Variants in NTN1 observed in about 807,000 individuals in gnomAD.
The protein encoded by NTN1 is netrin 1.
In NTN1, 11 loss-of-function variants were observed where a neutral mutation model predicts 54.2. The observed-to-expected ratio is 0.20, with a 90% confidence interval of 0.13 to 0.34. NTN1 has a LOEUF of 0.34. NTN1 is among the 10% of genes least tolerant of loss of function. NTN1 has a pLI of 1.00. For missense variants in NTN1, 740 were observed against 893.1 expected (o/e 0.83, Z 2.18); for synonymous variants, 371 against 382.0 (o/e 0.97, Z 0.33).
intron 2 of NTN1, among the ~76,000 whole-genome samples, chr17:9,045,105 G>A (rs1053391597): frequency 6.6e-6 from 1 of 152,174 alleles, no homozygotes; most frequent in African/African-American, 2.4e-5. Flanking sequence ...GTGCTGCCAG[G>A]GATGGAATTA....
At chr17:9,078,238 T>C (rs2092058529) in intron 2 of NTN1, among the ~76,000 whole-genome samples, 1 of 152,168 alleles carries the variant, frequency 6.6e-6, no homozygotes, top group African/African-American at 2.4e-5. Flanking sequence ...CAGGTAAGTA[T>C]CATAAGCTGT....
rs1376351916 is a variant in NTN1, at chr17:9,220,213, C to T, written c.1412-955C>T. Among the ~76,000 whole-genome samples the T allele has an allele frequency of 2.0e-5, 3 of 152,158 alleles. No individual in the cohort carries two copies. The East Asian group carries it at 5.8e-4, about 29-fold the overall frequency. On this transcript the variant is annotated intron_variant, in intron 5 of 6. Coordinates refer to ENST00000173229, the MANE Select transcript of NTN1 (RefSeq NM_004822.3). Reference sequence around the variant, plus strand: ...GGGCAGGTGGCTTACCCTCTTTGAGCCTCAGTCTTCTTGTCTGTGGAATGG... The same window carrying T: ...GGGCAGGTGGCTTACCCTCTTTGAGTCTCAGTCTTCTTGTCTGTGGAATGG...
chr17:9,203,046 C>G (rs1158259849), intron 5 of NTN1, among the ~76,000 whole-genome samples: 2 of 152,154 alleles, frequency 1.3e-5, no homozygotes, highest in African/African-American at 4.8e-5. Flanking sequence ...CTCAGCCTCC[C>G]GAGTAGCTGG....
At chr17:9,037,666 C>G (rs1248229128) in intron 2 of NTN1, among the ~76,000 whole-genome samples, 4 of 152,184 alleles carry the variant, frequency 2.6e-5, no homozygotes, top group African/African-American at 9.7e-5. Context: ...TTACCCAGAA[C>G]TCTAGGTAGA....
chr17:9,163,041 G>T (rs777988577), intron 3 of NTN1, 40 bp downstream of exon 3: 6 of 1,543,980 alleles, frequency 3.9e-6, no homozygotes, highest in Non-Finnish European at 4.4e-6. Flanking sequence ...GGGGAGACCC[G>T]GGGAACATCA....
intron 6 of NTN1, among the ~76,000 whole-genome samples, chr17:9,234,430 G>A (rs1905912786): frequency 6.6e-6 from 1 of 152,168 alleles, no homozygotes; most frequent in African/African-American, 2.4e-5. Flanking sequence ...CCTAGGACCT[G>A]GACAGCAGAG....
At chr17:9,155,021 C>A (rs117304223) in intron 2 of NTN1, among the ~76,000 whole-genome samples, 2 of 152,194 alleles carry the variant, frequency 1.3e-5, no homozygotes, top group African/African-American at 4.8e-5. Flanking sequence ...ACCATATGCA[C>A]GTTACAGTTG....
intron 5 of NTN1, among the ~76,000 whole-genome samples, chr17:9,204,079 C>T (rs1904889222): frequency 6.6e-6 from 1 of 152,082 alleles, no homozygotes; most frequent in Non-Finnish European, 1.5e-5. Context: ...TGATGGCAGT[C>T]CTGTCCAGTC....
intron 2 of NTN1, among the ~76,000 whole-genome samples, chr17:9,160,405 C>T (rs1176781539): frequency 1.3e-5 from 2 of 151,998 alleles, no homozygotes; most frequent in East Asian, 3.9e-4. Context: ...ATGCCCAGCC[C>T]GGACATCTTT....
chr17:9,121,095 A>G (rs1188922793), intron 2 of NTN1, among the ~76,000 whole-genome samples: 4 of 152,120 alleles, frequency 2.6e-5, no homozygotes, highest in Admixed American at 1.3e-4. Context: ...GTGCGAGGAA[A>G]AAGAAGGAAG....
intron 2 of NTN1, among the ~76,000 whole-genome samples, chr17:9,024,762 T>C (rs2091864616): frequency 6.6e-6 from 1 of 152,248 alleles, no homozygotes; most frequent in Admixed American, 6.5e-5. Flanking sequence ...TTTACGCTCG[T>C]GTCCCGCTCT....
intron 2 of NTN1, among the ~76,000 whole-genome samples, chr17:9,067,051 G>A (rs1328621006): frequency 3.3e-5 from 5 of 150,384 alleles, no homozygotes; most frequent in South Asian, 2.1e-4. Flanking sequence ...TTGGGAGGCC[G>A]AGGTGGGCGG....
chr17:9,201,383 A>G (rs1904781241), intron 5 of NTN1, among the ~76,000 whole-genome samples: 1 of 152,202 alleles, frequency 6.6e-6, no homozygotes, highest in Admixed American at 6.5e-5. Flanking sequence ...ACCATGAGGA[A>G]GAGCATGGAG....
chr17:9,208,696 A>G (rs1567739221), intron 5 of NTN1, among the ~76,000 whole-genome samples: 3 of 152,146 alleles, frequency 2.0e-5, no homozygotes, highest in African/African-American at 7.2e-5. Flanking sequence ...TTTTCCAGAT[A>G]TTATTTTGCA....
chr17:9,106,054 C>G (rs1429113455), intron 2 of NTN1, among the ~76,000 whole-genome samples: 1 of 152,180 alleles, frequency 6.6e-6, no homozygotes, highest in Non-Finnish European at 1.5e-5. Context: ...GTGATGCAAA[C>G]TCCTGGGCCC....
chr17:9,239,963 G>T lies in NTN1; in HGVS notation c.1810G>T (p.Ala604Ser). ...QREKKGKCKK[A>S] ...TGAGAAGAAGGGCAAGTGCAAGAAG[G>T]CCTAGCGCCGAGGCAGCGGGCGGGC... Residue 604 changes from alanine (A) to serine (S), a missense_variant, in exon 7 of 7, where the codon GCC (alanine) becomes TCC (serine). Physicochemically the swap from Ala to Ser is moderately conservative, Grantham distance 99 (BLOSUM62 1). Coordinates refer to ENST00000173229, the MANE Select transcript of NTN1 (RefSeq NM_004822.3). This position sits in a 1 kb window ranked among gnomAD's most constrained non-coding sequence, Gnocchi z 5.2. 1 of 421,118 alleles carries T rather than the reference G, an allele frequency of 2.4e-6. No individual in the cohort carries two copies. The highest frequency in any genetic ancestry group is 3.5e-6 in the Non-Finnish European group (1 of 282,306). The allele number at this position is 421,118 out of a possible 1,614,324, so 26.1% of individuals were successfully genotyped here. A position where few individuals can be genotyped will look rare whatever the true frequency, so the allele number is the denominator to read the frequency against.
At chr17:9,029,082 C>G (rs1411583452) in intron 2 of NTN1, among the ~76,000 whole-genome samples, 1 of 151,810 alleles carries the variant, frequency 6.6e-6, no homozygotes, top group East Asian at 1.9e-4. Flanking sequence ...CAGCATTTTG[C>G]CTGTTGTCTG....
chr17:9,025,791 G>A (rs1286975558), intron 2 of NTN1, among the ~76,000 whole-genome samples: 2 of 152,352 alleles, frequency 1.3e-5, no homozygotes, highest in East Asian at 3.9e-4. Context: ...AAAAGGCCCT[G>A]TAGTGGAGAT....
intron 2 of NTN1, among the ~76,000 whole-genome samples, chr17:9,138,416 C>T (rs1427454190): frequency 6.6e-6 from 1 of 152,006 alleles, no homozygotes; most frequent in East Asian, 1.9e-4. Context: ...AGGAGGACAA[C>T]AATGTGCTAC....
Sources: gnomAD v4.1 joint callset for allele counts (sites outside exome capture counted in the v4.1 genomes callset) on GRCh38, gnomAD v4.1.1 for gene constraint, Gnocchi (gnomAD v3.1) non-coding constraint, MANE v1.5 for transcripts, NCBI Gene and HGNC (gene_info 2026-07-23, HGNC 2026-07-21) for gene names.